Variants in KCTD16 observed in about 807,000 individuals in gnomAD.
KCTD16 encodes potassium channel tetramerization domain containing 16, also known as BTB/POZ domain-containing protein KCTD16.
KCTD16 carries 13 observed loss-of-function variants against 33.2 expected under a neutral mutation model. The ratio of observed to expected loss-of-function variants is 0.39; its 90% CI spans 0.25 to 0.62. The LOEUF (loss-of-function observed/expected upper bound fraction) is 0.62, where lower values mean the gene tolerates loss of function less well. KCTD16 is among the 20% of genes least tolerant of loss of function. The probability of loss-of-function intolerance (pLI) is 0.50; values close to 1 mark genes in which losing one functional copy is unlikely to be tolerated. For missense variants in KCTD16, 441 were observed against 525.1 expected, an observed-to-expected ratio of 0.84 and a Z score of 1.57; for synonymous variants, 197 against 195.3, an observed-to-expected ratio of 1.01 and a Z score of -0.07.
chr5:144,249,825 A>C (rs528655780), intron 3 of KCTD16, among the ~76,000 whole-genome samples: 5 of 152,282 alleles, frequency 3.3e-5, no homozygotes, highest in African/African-American at 1.2e-4. Context: ...CTGACTTTGA[A>C]CCTATGTCTC....
chr5:144,230,542 T>C (rs1425080824), intron 3 of KCTD16, among the ~76,000 whole-genome samples: 2 of 152,226 alleles, frequency 1.3e-5, no homozygotes, highest in East Asian at 3.9e-4. Context: ...GTATAAAATG[T>C]GGGAACTATA....
chr5:144,350,949 C>A (rs1751413311), intron 3 of KCTD16, among the ~76,000 whole-genome samples: 1 of 151,846 alleles, frequency 6.6e-6, no homozygotes, highest in Non-Finnish European at 1.5e-5. Context: ...AACCCCAAAT[C>A]CAGGTATGTA....
At chr5:144,189,097 C>T (rs2126778672) in intron 2 of KCTD16, among the ~76,000 whole-genome samples, 1 of 152,304 alleles carries the variant, frequency 6.6e-6, no homozygotes, top group Non-Finnish European at 1.5e-5. Flanking sequence ...ATGCCAGGCT[C>T]TTTATACTTA....
intron 3 of KCTD16, among the ~76,000 whole-genome samples, chr5:144,369,744 T>C (rs934045382): frequency 1.3e-5 from 2 of 152,196 alleles, no homozygotes; most frequent in African/African-American, 4.8e-5. Context: ...GGAGAATTTG[T>C]GATTCATGCT....
At chr5:144,396,227 G>A (rs1561592133) in intron 3 of KCTD16, among the ~76,000 whole-genome samples, 1 of 152,092 alleles carries the variant, frequency 6.6e-6, no homozygotes, top group African/African-American at 2.4e-5. Context: ...TACATTTAAG[G>A]AGAAGAGGCG....
chr5:144,410,138 G>A (rs1752900485), intron 3 of KCTD16, among the ~76,000 whole-genome samples: 1 of 152,154 alleles, frequency 6.6e-6, no homozygotes. Flanking sequence ...TTGCAAGGAG[G>A]AGATGACTGG....
chr5:144,232,559 G>A (rs938258279), intron 3 of KCTD16, among the ~76,000 whole-genome samples: 1 of 152,160 alleles, frequency 6.6e-6, no homozygotes, highest in Non-Finnish European at 1.5e-5. Context: ...AGAAGGCCAA[G>A]CTATCAAATC....
chr5:144,207,262 A>C lies in KCTD16; in HGVS notation c.548A>C (p.Asp183Ala). Residue 183 changes from aspartate (D) to alanine (A), a missense_variant, in exon 3 of 4, where the codon GAT becomes GCT. Physicochemically the swap from Asp to Ala is moderately radical, Grantham distance 126. This residue lies in a region of KCTD16 where 355 missense variants were observed against 413.0 expected (regional missense o/e 0.86). Transcript: ENST00000512467. ...SCTLGREGQA[D>A]AKFRRVPRIL... The stretch of plus-strand genomic sequence containing the variant: ...ACCTTGGGCAGAGAGGGACAGGCAG[A>C]TGCCAAGTTTCGGAGAGTTCCCCGG... 6.2e-7 allele frequency: 1 copy of C among 1,614,234 alleles called. No individual in the cohort carries two copies. Among genetic ancestry groups the C allele is most frequent in the South Asian group, 1.1e-5 (1 of 91,090 alleles).
At chr5:144,196,448 A>C (rs1345526373) in intron 2 of KCTD16, among the ~76,000 whole-genome samples, 1 of 152,152 alleles carries the variant, frequency 6.6e-6, no homozygotes, top group Non-Finnish European at 1.5e-5. Context: ...GGCAAATAAA[A>C]CATTTATTAT....
At chr5:144,225,475 C>G (rs1753901533) in intron 3 of KCTD16, among the ~76,000 whole-genome samples, 1 of 151,556 alleles carries the variant, frequency 6.6e-6, no homozygotes, top group African/African-American at 2.4e-5. Flanking sequence ...AAAAAGATGT[C>G]AAAAGAATTC....
intron 3 of KCTD16, among the ~76,000 whole-genome samples, chr5:144,301,397 A>G (rs1201341612): frequency 6.6e-6 from 1 of 152,072 alleles, no homozygotes; most frequent in African/African-American, 2.4e-5. Context: ...AAGAAGAAAA[A>G]CTGTAGGCTA....
intron 3 of KCTD16, among the ~76,000 whole-genome samples, chr5:144,319,402 T>C (rs759331337): frequency 4.6e-5 from 7 of 152,222 alleles, no homozygotes; most frequent in Non-Finnish European, 1.0e-4. Flanking sequence ...TAAGTTAAAA[T>C]GAGTTTTTTA....
chr5:144,440,684 C>G (rs1012924090), intron 3 of KCTD16, among the ~76,000 whole-genome samples: 1 of 151,472 alleles, frequency 6.6e-6, no homozygotes, highest in African/African-American at 2.4e-5. Context: ...AAAAAAAAAT[C>G]TGACTGTGGT....
chr5:144,231,123 C>T (rs547657210), intron 3 of KCTD16, among the ~76,000 whole-genome samples: 2 of 151,308 alleles, frequency 1.3e-5, no homozygotes, highest in Non-Finnish European at 2.9e-5. Context: ...TTAGTTTCTT[C>T]CTTCTATTTT....
chr5:144,406,591 A>T (rs1003835911), intron 3 of KCTD16, among the ~76,000 whole-genome samples: 1 of 152,302 alleles, frequency 6.6e-6, no homozygotes, highest in Admixed American at 6.5e-5. Context: ...TGCACCGGTT[A>T]TGGTTTATCT....
chr5:144,353,384 G>A (rs72800594), intron 3 of KCTD16, among the ~76,000 whole-genome samples: 5,976 of 152,266 alleles, frequency 0.039, 178 homozygotes, highest in Middle Eastern at 0.088. Context: ...CAGTACAGTG[G>A]TTAAAGATGA....
At chr5:144,200,576 G>C (rs1233739593) in intron 2 of KCTD16, among the ~76,000 whole-genome samples, 1 of 152,224 alleles carries the variant, frequency 6.6e-6, no homozygotes, top group Admixed American at 6.5e-5. Context: ...CATTGGCCAT[G>C]ATATCTCTTT....
At chr5:144,223,264 C>T (rs1175736285) in intron 3 of KCTD16, among the ~76,000 whole-genome samples, 1 of 152,062 alleles carries the variant, frequency 6.6e-6, no homozygotes, top group Non-Finnish European at 1.5e-5. Context: ...GCACATTGTG[C>T]ACACGTACCC....
chr5:144,358,066 G>A (rs912231971), intron 3 of KCTD16, among the ~76,000 whole-genome samples: 2 of 151,252 alleles, frequency 1.3e-5, no homozygotes, highest in Non-Finnish European at 2.9e-5. Flanking sequence ...TGGGACTACA[G>A]GCATATGGCA....
Sources: gnomAD v4.1 joint callset for allele counts (sites outside exome capture counted in the v4.1 genomes callset) on GRCh38, gnomAD v4.1.1 for gene constraint, gnomAD v4.1.1 regional missense constraint, MANE v1.5 for transcripts, NCBI Gene and HGNC (gene_info 2026-07-23, HGNC 2026-07-21) for gene names.